The following ORC5 variants were observed in gnomAD, a reference collection of about 807,000 sequenced individuals.
ORC5 encodes protein phosphatase 1, regulatory subunit 117.
Under a neutral mutation model 58.8 loss-of-function variants are expected in ORC5, and 39 were observed. That is an observed-to-expected ratio of 0.66 (90% CI 0.51 to 0.87). The LOEUF (loss-of-function observed/expected upper bound fraction) is 0.87, where lower values mean the gene tolerates loss of function less well. Ranked by LOEUF, ORC5 falls within the 40% of genes least tolerant of loss-of-function variation. The pLI, the probability that ORC5 is intolerant of heterozygous loss-of-function variation, is 0.00. For synonymous variants in ORC5, 218 were observed against 177.6 expected (o/e 1.23, Z -1.81); for missense variants, 493 against 506.3 (o/e 0.97, Z 0.25).
At chr7:104,182,011 T>C (rs1799444048) in intron 8 of ORC5, among the ~76,000 whole-genome samples, 1 of 152,168 alleles carries the variant, frequency 6.6e-6, no homozygotes. Flanking sequence ...ATAATGTACC[T>C]GTTATTAGTT....
chr7:104,195,240 C>A lies in ORC5; in HGVS notation c.456G>T (p.Val152=). Residue 152 remains valine, a synonymous_variant, in exon 5 of 14, where the codon GTG becomes GTT. Coordinates refer to ENST00000297431, the MANE Select transcript of ORC5 (RefSeq NM_002553.4). ...CAATTTCACTGAGAAAGAGAACAGT[C>A]ACATTTCTGTCAGCCTGTAAAAAGA... ...LRLQELADRN[V]TVLFLSEIVW... is the part of the protein sequence containing the mutation. 1 of 1,547,364 alleles carries A rather than the reference C, an allele frequency of 6.5e-7. No homozygotes were observed. Among genetic ancestry groups the A allele is most frequent in the Non-Finnish European group, 8.7e-7 (1 of 1,150,700 alleles).
chr7:104,194,072 T>C (rs1164583075), intron 5 of ORC5, among the ~76,000 whole-genome samples: 1 of 150,448 alleles, frequency 6.6e-6, no homozygotes, highest in African/African-American at 2.4e-5. Flanking sequence ...AACTGAACTA[T>C]GAACAGTGCT....
rs767160331 is a variant in ORC5, at chr7:104,129,791, G to C, written c.1263-2898C>G. ...ATATACTATGGGAGATTCTCCCACAGAACATAAATGAATTATTTTCTAAAG... is the reference window on the plus strand; with the variant it reads ...ATATACTATGGGAGATTCTCCCACACAACATAAATGAATTATTTTCTAAAG... On this transcript the variant is annotated intron_variant, in intron 13 of 13. Coordinates refer to ENST00000297431, the MANE Select transcript of ORC5 (RefSeq NM_002553.4). The surrounding 1 kb of genome is among the most constrained non-coding windows in gnomAD (Gnocchi z 4.9). Among the ~76,000 whole-genome samples the C allele has an allele frequency of 2.2e-4, 33 of 152,070 alleles. No individual in the cohort carries two copies. The highest frequency in any genetic ancestry group is 4.0e-4 in the Non-Finnish European group (27 of 68,008).
At chr7:104,151,385 G>T (rs1388220713) in intron 12 of ORC5, among the ~76,000 whole-genome samples, 1 of 152,136 alleles carries the variant, frequency 6.6e-6, no homozygotes, top group Non-Finnish European at 1.5e-5. Context: ...TGGAAAAAAA[G>T]GAGAATGTTT....
At chr7:104,154,810 A>G (rs1237580921) in intron 12 of ORC5, among the ~76,000 whole-genome samples, 2 of 151,902 alleles carry the variant, frequency 1.3e-5, no homozygotes, top group Non-Finnish European at 2.9e-5. Flanking sequence ...AGAAAACTGA[A>G]AACTATATAA....
chr7:104,207,989 C>G lies in ORC5; in HGVS notation c.-85G>C, dbSNP rs1800141585. The stretch of plus-strand genomic sequence containing the variant: ...GGAGCCTCTCCCGAGTCTGGCGGCC[C>G]ACGCTCCCGCCGGAAACCGGACCCG... On this transcript the variant is annotated 5_prime_UTR_variant, in exon 1 of 14. Transcript: ENST00000297431. 4.5e-6 allele frequency: 6 copies of G among 1,329,510 alleles called. No individual in the cohort carries two copies. Among genetic ancestry groups the G allele is most frequent in the Admixed American group, 3.6e-5 (2 of 54,866 alleles). 82.4% of individuals were successfully genotyped at this position (1,329,510 alleles called of 1,614,324 possible).
intron 8 of ORC5, among the ~76,000 whole-genome samples, chr7:104,177,743 G>C (rs911002340): frequency 1.3e-5 from 2 of 152,040 alleles, no homozygotes; most frequent in Non-Finnish European, 1.5e-5. Context: ...CCCCGCAAAA[G>C]GCCCCAGTGT....
intron 5 of ORC5, among the ~76,000 whole-genome samples, chr7:104,191,436 A>C (rs75159299): frequency 0.037 from 5,660 of 152,258 alleles, 168 homozygotes; most frequent in South Asian, 0.1. Context: ...TCTGGAAAAC[A>C]GTTGAGTCTC....
At chr7:104,127,420 T>C (rs1261797473) in intron 13 of ORC5, among the ~76,000 whole-genome samples, 1 of 152,196 alleles carries the variant, frequency 6.6e-6, no homozygotes, top group East Asian at 1.9e-4. Flanking sequence ...AAGAATATGA[T>C]ACAACAAACA....
At chr7:104,146,500 A>G (rs1281255801) in intron 12 of ORC5, among the ~76,000 whole-genome samples, 1 of 152,224 alleles carries the variant, frequency 6.6e-6, no homozygotes, top group African/African-American at 2.4e-5. Context: ...AACTATTAAT[A>G]CATGCAAAAA....
intron 4 of ORC5, among the ~76,000 whole-genome samples, chr7:104,197,318 A>T (rs1159257590): frequency 6.6e-6 from 1 of 152,136 alleles, no homozygotes; most frequent in Admixed American, 6.5e-5. Flanking sequence ...ACAAAAGTAA[A>T]CTCTGACACT....
intron 12 of ORC5, among the ~76,000 whole-genome samples, chr7:104,142,367 A>T (rs1012313814): frequency 6.6e-6 from 1 of 152,172 alleles, no homozygotes; most frequent in Non-Finnish European, 1.5e-5. Context: ...AAAGCACAGG[A>T]AACAAAAGCA....
intron 11 of ORC5, among the ~76,000 whole-genome samples, chr7:104,161,964 T>G (rs1035150414): frequency 6.6e-6 from 1 of 152,188 alleles, no homozygotes; most frequent in African/African-American, 2.4e-5. Context: ...TCAATTACAG[T>G]AAGTCGTAGC....
intron 12 of ORC5, among the ~76,000 whole-genome samples, chr7:104,160,822 T>A (rs1237074202): frequency 6.6e-6 from 1 of 152,154 alleles, no homozygotes; most frequent in African/African-American, 2.4e-5. Context: ...ATTTTAAAAA[T>A]TCCTTTATTG....
chr7:104,197,994 T>G (rs187121820), intron 3 of ORC5, among the ~76,000 whole-genome samples, 195 bp from the exon 4 acceptor site: 111 of 152,262 alleles, frequency 7.3e-4, no homozygotes, highest in African/African-American at 2.5e-3. Flanking sequence ...AATATTGTTA[T>G]CAAGGGAGTG....
intron 8 of ORC5, among the ~76,000 whole-genome samples, chr7:104,173,940 G>A (rs968908104): frequency 1.3e-5 from 2 of 148,902 alleles, no homozygotes; most frequent in Non-Finnish European, 3.0e-5. Flanking sequence ...CGCCTCCCGG[G>A]TTCACGCCAT....
In ORC5 at chr7:104,188,320, A is replaced by T. The variant is rs747799947; in HGVS notation, c.615T>A (p.Ala205=). 6.2e-7 allele frequency: 1 copy of T among 1,613,014 alleles called. No homozygotes were observed. Among genetic ancestry groups the T allele is most frequent in the South Asian group, 1.1e-5 (1 of 91,074 alleles). The change falls in exon 6 of 14, where the codon GCT becomes GCA. Residue 205 remains alanine, a synonymous_variant. Coordinates refer to ENST00000297431, the MANE Select transcript of ORC5 (RefSeq NM_002553.4). ...HPPEYSADFY[A]AYINILLGVF... ...CTCCAAGAAGAATGTTAATGTAGGCAGCATAGAAATCAGCTGAATACTCTG... is the reference window on the plus strand; with the variant it reads ...CTCCAAGAAGAATGTTAATGTAGGCTGCATAGAAATCAGCTGAATACTCTG...
chr7:104,202,384 C>A, intron 2 of ORC5: 1 of 256,564 alleles, frequency 3.9e-6, no homozygotes, highest in Non-Finnish European at 8.1e-6. Flanking sequence ...TACTTGGGGA[C>A]AGTTTCACCA....
chr7:104,143,645 T>C (rs770772684), intron 12 of ORC5, among the ~76,000 whole-genome samples: 1 of 152,022 alleles, frequency 6.6e-6, no homozygotes, highest in Non-Finnish European at 1.5e-5. Flanking sequence ...TTAAAAGAAC[T>C]AAACCTAAAA....
Sources: gnomAD v4.1 joint callset for allele counts (sites outside exome capture counted in the v4.1 genomes callset) on GRCh38, gnomAD v4.1.1 for gene constraint, Gnocchi (gnomAD v3.1) non-coding constraint, MANE v1.5 for transcripts, NCBI Gene and HGNC (gene_info 2026-07-23, HGNC 2026-07-21) for gene names.